Variants in SH3BGRL observed in about 807,000 individuals in gnomAD.
SH3BGRL encodes adapter SH3BGRL.
In SH3BGRL, 7 loss-of-function variants were observed where a neutral mutation model predicts 9.8. That is an observed-to-expected ratio of 0.72 (90% CI 0.41 to 1.35). SH3BGRL has a LOEUF of 1.35. Ranked by LOEUF, SH3BGRL falls within the 40% of genes most tolerant of loss-of-function variation. The pLI, the probability that SH3BGRL is intolerant of heterozygous loss-of-function variation, is 0.01. For missense variants in SH3BGRL, 73 were observed against 84.4 expected (o/e 0.86, Z 0.53); for synonymous variants, 36 against 29.1 (o/e 1.24, Z -0.76).
At chrX:81,296,626 T>C (rs1385402175) in intron 3 of SH3BGRL, among the ~76,000 whole-genome samples, 1 of 111,469 alleles carries the variant, frequency 9.0e-6, no homozygotes, top group Non-Finnish European at 1.9e-5. Context: ...GAGTCAATCT[T>C]GCCACTCATC....
intron 1 of SH3BGRL, among the ~76,000 whole-genome samples, chrX:81,209,331 G>A (rs1390596267): frequency 1.8e-5 from 2 of 111,731 alleles, no homozygotes; most frequent in Non-Finnish European, 3.8e-5. Context: ...TTTAGTAATA[G>A]TAAAGACAAC....
At chrX:81,253,228 A>G (rs1299742341) in intron 1 of SH3BGRL, among the ~76,000 whole-genome samples, 1 of 112,638 alleles carries the variant, frequency 8.9e-6, no homozygotes, top group Non-Finnish European at 1.9e-5. Context: ...GTGGATCACA[A>G]TAATTGATTT....
Position 81,298,418 on chromosome X carries a change from A to G in SH3BGRL, c.*1191A>G, listed in dbSNP as rs1257525952. On this transcript the variant is annotated 3_prime_UTR_variant, in exon 4 of 4. Coordinates refer to ENST00000373212, the MANE Select transcript of SH3BGRL (RefSeq NM_003022.3). ...ACCTCTTACTTTAAACTACATTATC[A>G]TGTATATCTATTGTATGCTGGTCTT... The G allele has an allele frequency of 9.0e-6, 1 of 111,475 alleles. No homozygotes were observed. The highest frequency in any genetic ancestry group is 3.2e-5 in the African/African-American group (1 of 30,782). 9.2% of individuals were successfully genotyped at this position (111,475 alleles called of 1,213,427 possible).
chrX:81,213,565 A>AGG (rs1467996190), intron 1 of SH3BGRL, among the ~76,000 whole-genome samples: 2 of 111,121 alleles, frequency 1.8e-5, no homozygotes, highest in Non-Finnish European at 3.8e-5. Context: ...TTCCTAATGA[A>AGG]CAGATTTTGA....
intron 1 of SH3BGRL, among the ~76,000 whole-genome samples, chrX:81,238,525 C>T (rs1167015818): frequency 8.9e-6 from 1 of 111,920 alleles, no homozygotes; most frequent in Non-Finnish European, 1.9e-5. Context: ...TATTATCGGC[C>T]TCCTGCACAA....
intron 1 of SH3BGRL, among the ~76,000 whole-genome samples, chrX:81,207,120 G>A (rs1256190678): frequency 8.9e-6 from 1 of 112,026 alleles, no homozygotes; most frequent in Non-Finnish European, 1.9e-5. Context: ...AGAATTGCTA[G>A]AGAGATGATA....
At chrX:81,206,688 A>C (rs1369317837) in intron 1 of SH3BGRL, among the ~76,000 whole-genome samples, 1 of 111,708 alleles carries the variant, frequency 9.0e-6, no homozygotes, top group Non-Finnish European at 1.9e-5. Flanking sequence ...GGAATAGAGA[A>C]ATGGGCAGCT....
chrX:81,211,986 C>A (rs2075566069), intron 1 of SH3BGRL, among the ~76,000 whole-genome samples: 1 of 111,676 alleles, frequency 9.0e-6, no homozygotes, highest in African/African-American at 3.3e-5. Flanking sequence ...GAAATCTGAT[C>A]TCAGACTTTC....
chrX:81,291,907 ACT>A (rs2075859160), intron 3 of SH3BGRL, among the ~76,000 whole-genome samples: 1 of 111,947 alleles, frequency 8.9e-6, no homozygotes, highest in Non-Finnish European at 1.9e-5. Flanking sequence ...TCCAGGGCAC[ACT>A]CATGCAAGGG....
intron 1 of SH3BGRL, among the ~76,000 whole-genome samples, chrX:81,210,574 A>G (rs1430702612): frequency 1.8e-5 from 2 of 111,104 alleles, no homozygotes; most frequent in Non-Finnish European, 3.8e-5. Flanking sequence ...TAGTACTCTT[A>G]TTATCTCTGT....
intron 3 of SH3BGRL, among the ~76,000 whole-genome samples, chrX:81,286,902 A>G (rs1383379062): frequency 1.8e-5 from 2 of 111,562 alleles, no homozygotes; most frequent in Non-Finnish European, 3.8e-5. Flanking sequence ...CACATATTTG[A>G]TATATAAAAT....
chrX:81,251,262 AAT>A (rs778188020), intron 1 of SH3BGRL, among the ~76,000 whole-genome samples: 2 of 112,272 alleles, frequency 1.8e-5, no homozygotes, highest in African/African-American at 3.2e-5. Flanking sequence ...AACTGCTTAA[AAT>A]ATGTTTTTAA....
intron 3 of SH3BGRL, among the ~76,000 whole-genome samples, chrX:81,285,228 A>G (rs2147717865): frequency 8.9e-6 from 1 of 111,912 alleles, no homozygotes; most frequent in African/African-American, 3.2e-5. Flanking sequence ...AAGAAAGACA[A>G]CTGGTTAACC....
intron 1 of SH3BGRL, among the ~76,000 whole-genome samples, chrX:81,270,036 A>C (rs745362353): frequency 9.1e-6 from 1 of 110,473 alleles, no homozygotes; most frequent in South Asian, 3.9e-4. Flanking sequence ...TGTATGCTTC[A>C]CGAAGTTCTT....
intron 1 of SH3BGRL, among the ~76,000 whole-genome samples, chrX:81,229,335 T>C (rs1419997873): frequency 9.0e-6 from 1 of 111,206 alleles, no homozygotes; most frequent in African/African-American, 3.3e-5. Context: ...TACAGTATGC[T>C]CTTTCAGTTT....
At chrX:81,209,084 T>G (rs1241704774) in intron 1 of SH3BGRL, among the ~76,000 whole-genome samples, 1 of 103,773 alleles carries the variant, frequency 9.6e-6, no homozygotes, top group Non-Finnish European at 1.9e-5. Context: ...CTTGGCTCAC[T>G]GCAATCTCTG....
intron 1 of SH3BGRL, among the ~76,000 whole-genome samples, chrX:81,271,764 C>CT (rs2075780531): frequency 9.0e-6 from 1 of 111,217 alleles, no homozygotes; most frequent in African/African-American, 3.3e-5. Flanking sequence ...AGATACTCCT[C>CT]AAGAAGAGCA....
rs981778315 is a variant in SH3BGRL, at chrX:81,202,388, C to T, written c.45+143C>T. 4.0e-6 allele frequency: 4 copies of T among 1,000,881 alleles called. No homozygotes were observed. In the African/African-American group the frequency reaches 6.2e-5, roughly 16 times the overall value. 82.5% of individuals were successfully genotyped at this position (1,000,881 alleles called of 1,213,427 possible). ...TCCCCGATCCCACCCTTCTTCTTCC[C>T]TTTTTTCCCTTTGTTGCATCGATTT... On this transcript the variant is annotated intron_variant, in intron 1 of 3. Coordinates refer to ENST00000373212, the MANE Select transcript of SH3BGRL (RefSeq NM_003022.3).
At chrX:81,243,283 G>T (rs537365511) in intron 1 of SH3BGRL, among the ~76,000 whole-genome samples, 1 of 112,007 alleles carries the variant, frequency 8.9e-6, no homozygotes, top group Non-Finnish European at 1.9e-5. Flanking sequence ...TAAATCAGGC[G>T]CAATAAGGCA....
Sources: allele counts gnomAD v4.1 joint callset (sites outside exome capture counted in the v4.1 genomes callset), GRCh38; gene constraint gnomAD v4.1.1; transcripts MANE v1.5; gene names NCBI Gene and HGNC (gene_info 2026-07-23, HGNC 2026-07-21).